Variants in RAD51B observed in about 807,000 individuals in gnomAD.
RAD51B encodes the protein DNA repair protein RAD51 homolog 2.
Under a neutral mutation model 42.2 loss-of-function variants are expected in RAD51B, and 38 were observed. That is an observed-to-expected ratio of 0.90 (90% CI 0.70 to 1.18). The LOEUF is 1.18. Among genes scored for constraint, RAD51B ranks in the 50% most tolerant of loss-of-function variants. The pLI, the probability that RAD51B is intolerant of heterozygous loss-of-function variation, is 0.00. For missense variants in RAD51B, 373 were observed against 400.7 expected (o/e 0.93, Z 0.59); for synonymous variants, 154 against 145.2 (o/e 1.06, Z -0.43).
intron 8 of RAD51B, among the ~76,000 whole-genome samples, chr14:68,295,481 C>T (rs1215160720): frequency 6.6e-6 from 1 of 152,186 alleles, no homozygotes; most frequent in Non-Finnish European, 1.5e-5. Context: ...TCTCCTCCCC[C>T]ATAGACGTCC....
At chr14:68,595,666 A>G in exon 11 of RAD51B, 1 of 993,916 alleles carries the variant, frequency 1.0e-6, no homozygotes, top group Non-Finnish European at 1.2e-6. Context: ...GACACAACTA[A>G]ATGTTCGACC....
chr14:67,926,254 A>G (rs190280627), intron 7 of RAD51B, among the ~76,000 whole-genome samples: 7 of 152,266 alleles, frequency 4.6e-5, no homozygotes, highest in African/African-American at 1.7e-4. Flanking sequence ...AACAGCACCC[A>G]AGTCACCTCT....
intron 7 of RAD51B, among the ~76,000 whole-genome samples, chr14:68,050,017 C>T (rs1221148362): frequency 6.6e-6 from 1 of 152,130 alleles, no homozygotes; most frequent in African/African-American, 2.4e-5. Flanking sequence ...CTAGAAAATC[C>T]TTACTTTACA....
intron 7 of RAD51B, among the ~76,000 whole-genome samples, chr14:68,290,388 A>G (rs528329032): frequency 6.6e-6 from 1 of 152,352 alleles, no homozygotes; most frequent in African/African-American, 2.4e-5. Context: ...ATTTTCCAGA[A>G]AAGAATCTGT....
chr14:68,527,304 C>T (rs1444496126), intron 10 of RAD51B, among the ~76,000 whole-genome samples: 1 of 152,160 alleles, frequency 6.6e-6, no homozygotes, highest in Non-Finnish European at 1.5e-5. Flanking sequence ...CCTGAACTAA[C>T]CTGGGAGCCT....
intron 9 of RAD51B, among the ~76,000 whole-genome samples, chr14:68,415,967 CT>C (rs2084546448): frequency 6.6e-6 from 1 of 152,044 alleles, no homozygotes. Flanking sequence ...GGAAAGAGGT[CT>C]TTTTTTCATA....
intron 7 of RAD51B, among the ~76,000 whole-genome samples, chr14:67,978,835 T>C (rs11844529): frequency 0.28 from 41,924 of 152,200 alleles, 7,542 homozygotes; most frequent in African/African-American, 0.51. Context: ...CCTTGATCAC[T>C]CTGCTGCATT....
intron 8 of RAD51B, among the ~76,000 whole-genome samples, chr14:68,302,965 A>G (rs769317521): frequency 7.9e-5 from 12 of 152,316 alleles, no homozygotes; most frequent in African/African-American, 1.4e-4. Flanking sequence ...GATTTTATTT[A>G]TGGCCAGTTT....
chr14:67,840,305 TC>T (rs1484499385), intron 4 of RAD51B, among the ~76,000 whole-genome samples: 3 of 152,120 alleles, frequency 2.0e-5, no homozygotes, highest in Non-Finnish European at 4.4e-5. Context: ...TCTAATAATC[TC>T]CAGTGTTGAT....
rs529207054 is a variant in RAD51B, at chr14:68,143,808, G to A, written c.757-148076G>A. Among the ~76,000 whole-genome samples the A allele has an allele frequency of 4.6e-5, 7 of 152,298 alleles. 1 individual carries two copies. In the South Asian group the frequency reaches 1.5e-3, roughly 32 times the overall value. On this transcript the variant is annotated intron_variant, in intron 7 of 10. Coordinates refer to ENST00000471583, the MANE Select transcript of RAD51B (RefSeq NM_133510.4). ...TGGCATTGGTGGAAGGGTATTGTAA[G>A]TGTGTGTGGACTCTATCAGAACCAA...
chr14:67,992,226 A>G (rs924551500), intron 7 of RAD51B, among the ~76,000 whole-genome samples: 1 of 152,188 alleles, frequency 6.6e-6, no homozygotes, highest in Non-Finnish European at 1.5e-5. Flanking sequence ...AGAAGCCTAT[A>G]AGGAGTCATA....
chr14:67,887,174 G>A lies in RAD51B; in HGVS notation c.726G>A (p.Leu242=). ...NKFLAREASS[L]KYLAEEFSIP... is the part of the protein sequence containing the mutation. ...TCTTGGCAAGAGAGGCATCCTCCTT[G>A]AAGTATTTGGCTGAGGAGTTTTCAA... The change falls in exon 7 of 11, where the codon TTG becomes TTA. Residue 242 remains leucine (L), a synonymous_variant. Transcript: ENST00000471583. The A allele has an allele frequency of 6.2e-7, 1 of 1,611,522 alleles. No individual in the cohort carries two copies. Among genetic ancestry groups the A allele is most frequent in the Non-Finnish European group, 8.5e-7 (1 of 1,178,686 alleles).
chr14:68,405,968 C>G (rs1281821950), intron 8 of RAD51B, among the ~76,000 whole-genome samples: 2 of 151,894 alleles, frequency 1.3e-5, no homozygotes, highest in Non-Finnish European at 2.9e-5. Flanking sequence ...CAACTAATTT[C>G]TAGAGTTTAC....
At chr14:68,186,977 C>G (rs994353871) in intron 7 of RAD51B, among the ~76,000 whole-genome samples, 4 of 151,946 alleles carry the variant, frequency 2.6e-5, no homozygotes, top group Non-Finnish European at 4.4e-5. Flanking sequence ...AGGTGCCCAT[C>G]TGATAAAGAA....
chr14:68,314,858 AC>A (rs1293064794), intron 8 of RAD51B, among the ~76,000 whole-genome samples: 1 of 152,064 alleles, frequency 6.6e-6, no homozygotes, highest in African/African-American at 2.4e-5. Context: ...CACTGCCACC[AC>A]CATCCAGTTG....
chr14:68,144,332 G>C (rs1393905086), intron 7 of RAD51B, among the ~76,000 whole-genome samples: 1 of 152,204 alleles, frequency 6.6e-6, no homozygotes, highest in Admixed American at 6.5e-5. Context: ...GGGCGGCTGA[G>C]CAAAGAGGCA....
chr14:68,456,973 C>G (rs534572715), intron 9 of RAD51B, among the ~76,000 whole-genome samples: 1 of 132,202 alleles, frequency 7.6e-6, no homozygotes, highest in East Asian at 2.5e-4. Context: ...AGTGCAGTAG[C>G]ACGATCTTGG....
At chr14:68,639,228 A>G (rs1323626880) in intron 10 of RAD51B, among the ~76,000 whole-genome samples, 2 of 151,472 alleles carry the variant, frequency 1.3e-5, no homozygotes, top group Non-Finnish European at 3.0e-5. Flanking sequence ...TCTTGCTCAC[A>G]TAAAGCTAAT....
At chr14:68,138,269 A>C (rs1163440148) in intron 7 of RAD51B, among the ~76,000 whole-genome samples, 1 of 152,212 alleles carries the variant, frequency 6.6e-6, no homozygotes, top group Non-Finnish European at 1.5e-5. Flanking sequence ...GACATTTGGC[A>C]GTTAAAATTT....
Sources: gnomAD v4.1 joint callset for allele counts (sites outside exome capture counted in the v4.1 genomes callset) on GRCh38, gnomAD v4.1.1 for gene constraint, MANE v1.5 for transcripts, NCBI Gene and HGNC (gene_info 2026-07-23, HGNC 2026-07-21) for gene names.